The following SYCP1 variants were observed in gnomAD, a reference collection of about 807,000 sequenced individuals.
SYCP1 encodes cancer/testis antigen 8.
SYCP1 carries 64 observed loss-of-function variants against 153.1 expected under a neutral mutation model. The observed-to-expected ratio is 0.42, with a 90% CI of 0.34 to 0.51. The LOEUF (loss-of-function observed/expected upper bound fraction) is 0.51. Ranked by LOEUF, SYCP1 falls within the 20% of genes least tolerant of loss-of-function variation. The pLI, the probability that SYCP1 is intolerant of heterozygous loss-of-function variation, is 0.06. For missense variants in SYCP1, 997 were observed against 1,049.0 expected, an observed-to-expected ratio of 0.95 and a Z score of 0.68; for synonymous variants, 384 against 341.8, an observed-to-expected ratio of 1.12 and a Z score of -1.36.
intron 27 of SYCP1, among the ~76,000 whole-genome samples, chr1:114,966,945 A>G (rs1672167361): frequency 6.6e-6 from 1 of 152,152 alleles, no homozygotes; most frequent in Non-Finnish European, 1.5e-5. Flanking sequence ...TCGGCCTCCC[A>G]AAGTGCTGGG....
chr1:114,862,618 C>T (rs888364560), intron 8 of SYCP1, among the ~76,000 whole-genome samples: 3 of 152,114 alleles, frequency 2.0e-5, no homozygotes, highest in East Asian at 1.9e-4. Flanking sequence ...GGATTACAGG[C>T]GTGAGCCACT....
intron 8 of SYCP1, among the ~76,000 whole-genome samples, chr1:114,869,758 T>C (rs909800605): frequency 5.3e-5 from 8 of 152,192 alleles, no homozygotes; most frequent in African/African-American, 1.7e-4. Context: ...AAATCTGATA[T>C]ATTAATTGTC....
intron 8 of SYCP1, 37 bp downstream of exon 8, chr1:114,860,846 T>C: frequency 6.9e-7 from 1 of 1,459,812 alleles, no homozygotes; most frequent in East Asian, 2.4e-5. Context: ...TTTTATCAAT[T>C]TATTTTACTG....
chr1:114,884,831 G>A (rs941299281), intron 12 of SYCP1, among the ~76,000 whole-genome samples: 3 of 152,018 alleles, frequency 2.0e-5, no homozygotes, highest in Non-Finnish European at 4.4e-5. Flanking sequence ...AAAGGAAATC[G>A]TATAATTTGA....
At chr1:114,934,119 C>T (rs1340436070) in intron 23 of SYCP1, among the ~76,000 whole-genome samples, 2 of 152,002 alleles carry the variant, frequency 1.3e-5, no homozygotes, top group African/African-American at 4.8e-5. Flanking sequence ...TCAGATTCAC[C>T]AAAGTTGAAA....
At chr1:114,923,200 T>C (rs1669013203) in intron 20 of SYCP1, among the ~76,000 whole-genome samples, 1 of 152,222 alleles carries the variant, frequency 6.6e-6, no homozygotes, top group Non-Finnish European at 1.5e-5. Flanking sequence ...TATGTAGTGT[T>C]TCCATGTTCA....
At chr1:114,867,791 A>C (rs1664863697) in intron 8 of SYCP1, among the ~76,000 whole-genome samples, 1 of 151,988 alleles carries the variant, frequency 6.6e-6, no homozygotes, top group Non-Finnish European at 1.5e-5. Flanking sequence ...CTTTAAGTAC[A>C]ATGTTGAAAA....
intron 3 of SYCP1, 96 bp from the exon 4 acceptor site, chr1:114,857,136 C>CAAAATAAAAAAA: frequency 4.1e-6 from 1 of 242,712 alleles, no homozygotes; most frequent in Non-Finnish European, 5.9e-6. Flanking sequence ...CTCTCTCTCT[C>CAAAATAAAAAAA]AAAAAAAAAA....
intron 27 of SYCP1, among the ~76,000 whole-genome samples, chr1:114,948,501 T>C (rs190152578): frequency 6.6e-6 from 1 of 152,320 alleles, no homozygotes; most frequent in East Asian, 1.9e-4. Flanking sequence ...TGAGAATTTG[T>C]TTACTTTGTT....
intron 27 of SYCP1, among the ~76,000 whole-genome samples, chr1:114,972,755 A>G (rs1672576551): frequency 6.6e-6 from 1 of 152,144 alleles, no homozygotes; most frequent in African/African-American, 2.4e-5. Context: ...CATTGTTGTC[A>G]GAGAAGATAC....
At chr1:114,947,147 C>A in intron 26 of SYCP1, 99 bp from the exon 27 acceptor site, 7 of 870,122 alleles carry the variant, frequency 8.0e-6, no homozygotes, top group Non-Finnish European at 1.3e-5. Context: ...GAATTTATTT[C>A]TCTACAATAT....
chr1:114,945,344 A>T (rs190919768), intron 25 of SYCP1, among the ~76,000 whole-genome samples: 74 of 152,166 alleles, frequency 4.9e-4, no homozygotes, highest in African/African-American at 1.7e-3. Context: ...AATAGGCTAA[A>T]TCAATTTTTA....
At chr1:114,992,341 C>T (rs999393336) in intron 30 of SYCP1, among the ~76,000 whole-genome samples, 1 of 151,594 alleles carries the variant, frequency 6.6e-6, no homozygotes, top group African/African-American at 2.4e-5. Flanking sequence ...AAGGCTAAAA[C>T]AATCTTGAAA....
chr1:114,886,038 C>A, intron 13 of SYCP1, 87 bp from the exon 14 acceptor site: 1 of 797,516 alleles, frequency 1.3e-6, no homozygotes, highest in Non-Finnish European at 1.9e-6. Flanking sequence ...GGGAAAGGGG[C>A]AGTGAATGTA....
intron 24 of SYCP1, 36 bp downstream of exon 24, chr1:114,944,491 C>A: frequency 8.7e-7 from 1 of 1,147,080 alleles, no homozygotes; most frequent in Non-Finnish European, 1.2e-6. Context: ...ACTTATTATA[C>A]TAAAAATCTA....
At chr1:114,925,883 G>A (rs977722750) in intron 21 of SYCP1, among the ~76,000 whole-genome samples, 1 of 152,022 alleles carries the variant, frequency 6.6e-6, no homozygotes, top group Non-Finnish European at 1.5e-5. Flanking sequence ...GGTATACAAA[G>A]TGATGTTTTG....
intron 27 of SYCP1, among the ~76,000 whole-genome samples, chr1:114,969,585 T>C (rs1672348198): frequency 6.6e-6 from 1 of 152,162 alleles, no homozygotes; most frequent in Admixed American, 6.5e-5. Flanking sequence ...TTGGGCTCCA[T>C]GGGGATGGGA....
At chr1:114,976,530 A>G (rs957843337) in intron 27 of SYCP1, among the ~76,000 whole-genome samples, 1 of 151,794 alleles carries the variant, frequency 6.6e-6, no homozygotes, top group African/African-American at 2.4e-5. Context: ...AATTGCAGAG[A>G]CAGTGCAGTT....
intron 8 of SYCP1, among the ~76,000 whole-genome samples, chr1:114,862,352 GTTTT>G (rs67029711): frequency 1.4e-5 from 2 of 140,340 alleles, no homozygotes; most frequent in African/African-American, 2.6e-5. Context: ...TTTGTTCTTT[GTTTT>G]TTTTTTTTTT....
Sources: gnomAD v4.1 joint callset for allele counts (sites outside exome capture counted in the v4.1 genomes callset) on GRCh38, gnomAD v4.1.1 for gene constraint, MANE v1.5 for transcripts, NCBI Gene and HGNC (gene_info 2026-07-23, HGNC 2026-07-21) for gene names.